The following KIF6 variants were observed in gnomAD, a reference collection of about 807,000 sequenced individuals.
The protein encoded by KIF6 is kinesin-like protein KIF6.
A neutral mutation model predicts 112.7 loss-of-function variants in KIF6; 106 were observed. The observed-to-expected ratio is 0.94, with a 90% CI of 0.80 to 1.11. KIF6 has a LOEUF of 1.11. Ranked by LOEUF, KIF6 falls within the 50% of genes least tolerant of loss-of-function variation. The pLI is 0.00. For missense variants in KIF6, 929 were observed against 964.0 expected, an observed-to-expected ratio of 0.96 and a Z score of 0.48; for synonymous variants, 339 against 339.9, an observed-to-expected ratio of 1.00 and a Z score of 0.03.
intron 6 of KIF6, among the ~76,000 whole-genome samples, chr6:39,600,093 G>T (rs979786629): frequency 9.2e-5 from 14 of 152,112 alleles, no homozygotes; most frequent in African/African-American, 3.4e-4. Context: ...TGTCTGCTCT[G>T]TGTTTATTTA....
At chr6:39,337,172 C>CTTCTTTCTTTCCTTCTTTCTTTCT (rs1763014629) in intron 22 of KIF6, among the ~76,000 whole-genome samples, 1 of 59,504 alleles carries the variant, frequency 1.7e-5, no homozygotes, top group Admixed American at 2.0e-4. Flanking sequence ...TCTTTCCTTC[C>CTTCTTTCTTTCCTTCTTTCTTTCT]TTCTTTCTTT....
chr6:39,590,228 G>A (rs1191442118), intron 7 of KIF6, among the ~76,000 whole-genome samples: 1 of 152,114 alleles, frequency 6.6e-6, no homozygotes, highest in Non-Finnish European at 1.5e-5. Flanking sequence ...TGTGCAGACA[G>A]TGTGGCATTA....
intron 13 of KIF6, among the ~76,000 whole-genome samples, chr6:39,485,493 T>C (rs1775056919): frequency 6.6e-6 from 1 of 152,126 alleles, no homozygotes; most frequent in South Asian, 2.1e-4. Context: ...GGACTGCATC[T>C]TCATCTAACT....
At chr6:39,428,572 A>G (rs1383805539) in intron 14 of KIF6, among the ~76,000 whole-genome samples, 1 of 152,074 alleles carries the variant, frequency 6.6e-6, no homozygotes, top group Non-Finnish European at 1.5e-5. Flanking sequence ...TTATTCGTTT[A>G]TTCATTCATT....
chr6:39,647,359 C>A (rs918610057), intron 3 of KIF6, among the ~76,000 whole-genome samples: 3 of 152,120 alleles, frequency 2.0e-5, no homozygotes, highest in African/African-American at 7.2e-5. Context: ...GGCTCCCAGT[C>A]TCCTTCTACA....
intron 3 of KIF6, among the ~76,000 whole-genome samples, chr6:39,712,043 C>T (rs969012669): frequency 6.7e-5 from 10 of 149,902 alleles, no homozygotes; most frequent in African/African-American, 2.5e-4. Context: ...GTCAAACCAA[C>T]AAAAAGCAAG....
At chr6:39,428,931 G>A (rs1273895090) in intron 14 of KIF6, among the ~76,000 whole-genome samples, 1 of 152,206 alleles carries the variant, frequency 6.6e-6, no homozygotes, top group Non-Finnish European at 1.5e-5. Flanking sequence ...GCCATGAATA[G>A]CCAAGGCTGC....
In KIF6 at chr6:39,342,214, C is replaced by A. The variant is rs1581620883; in HGVS notation, c.2428+1495G>T. Among the ~76,000 whole-genome samples the A allele has an allele frequency of 6.6e-6, 1 of 152,374 alleles. No individual in the cohort carries two copies. Among genetic ancestry groups the A allele is most frequent in the East Asian group, 1.9e-4 (1 of 5,184 alleles). On this transcript the variant is annotated intron_variant, in intron 22 of 22. Coordinates refer to ENST00000287152, the MANE Select transcript of KIF6 (RefSeq NM_145027.6). The surrounding 1 kb of genome is among the most constrained non-coding windows in gnomAD (Gnocchi z 4.7). ...GCGTAGCTGCTCCATTCTCATGATG[C>A]AGCTGTCAGTTTAAAGTTATCTTCT...
At chr6:39,680,520 G>C (rs1227217075) in intron 3 of KIF6, among the ~76,000 whole-genome samples, 1 of 152,164 alleles carries the variant, frequency 6.6e-6, no homozygotes, top group Non-Finnish European at 1.5e-5. Flanking sequence ...ATATGAAACT[G>C]TAGAAGGGAA....
At chr6:39,337,168 C>CTTCT (rs1554195056) in intron 22 of KIF6, among the ~76,000 whole-genome samples, 2 of 48,510 alleles carry the variant, frequency 4.1e-5, no homozygotes, top group African/African-American at 2.4e-4. Context: ...TCTTTCTTTC[C>CTTCT]TTCCTTCTTT....
chr6:39,476,747 A>C (rs560646324), intron 13 of KIF6, among the ~76,000 whole-genome samples: 3 of 152,328 alleles, frequency 2.0e-5, no homozygotes, highest in South Asian at 2.1e-4. Context: ...AGGATGAATA[A>C]GGTATTTCAT....
chr6:39,537,622 A>G (rs370447839), intron 13 of KIF6, among the ~76,000 whole-genome samples: 5 of 152,152 alleles, frequency 3.3e-5, no homozygotes, highest in East Asian at 3.9e-4. Flanking sequence ...AATCAATATC[A>G]TGAAAATGGC....
chr6:39,697,541 C>CTTTTTTTTT (rs35838361), intron 3 of KIF6, among the ~76,000 whole-genome samples: 2 of 131,478 alleles, frequency 1.5e-5, no homozygotes, highest in African/African-American at 2.8e-5. Context: ...TTTATCCTTT[C>CTTTTTTTTT]TTTTTTTTTT....
intron 16 of KIF6, among the ~76,000 whole-genome samples, chr6:39,366,184 C>T (rs528199641): frequency 1.3e-4 from 20 of 152,266 alleles, no homozygotes; most frequent in African/African-American, 4.3e-4. Context: ...TCTGGGGAGT[C>T]GCTTGAGCCC....
At chr6:39,555,953 C>CAAAA (rs35420944) in intron 10 of KIF6, among the ~76,000 whole-genome samples, 118 of 76,688 alleles carry the variant, frequency 1.5e-3, no homozygotes, top group African/African-American at 1.9e-3. Flanking sequence ...GACGCTGTCT[C>CAAAA]AAAAAAAAAA....
chr6:39,341,609 C>T (rs1041038742), intron 22 of KIF6, among the ~76,000 whole-genome samples: 7 of 152,192 alleles, frequency 4.6e-5, no homozygotes, highest in Non-Finnish European at 8.8e-5. Flanking sequence ...CACTGATGCT[C>T]ACCTGTCTAC....
chr6:39,346,739 C>A (rs572043198), intron 19 of KIF6, among the ~76,000 whole-genome samples: 1 of 152,284 alleles, frequency 6.6e-6, no homozygotes, highest in South Asian at 2.1e-4. Context: ...CCTCCGCTTC[C>A]TGGGTTTGAG....
chr6:39,614,444 T>C (rs964512460), intron 5 of KIF6, among the ~76,000 whole-genome samples: 1 of 152,212 alleles, frequency 6.6e-6, no homozygotes, highest in Non-Finnish European at 1.5e-5. Context: ...ATTAAGAATA[T>C]CTTAAAAATG....
At chr6:39,622,774 T>A (rs6458120) in intron 5 of KIF6, among the ~76,000 whole-genome samples, 6,367 of 152,244 alleles carry the variant, frequency 0.042, 415 homozygotes, top group African/African-American at 0.14. Flanking sequence ...AGGCAGCAGG[T>A]GCCTGTTTCC....
Sources: allele counts gnomAD v4.1 joint callset (sites outside exome capture counted in the v4.1 genomes callset), GRCh38; gene constraint gnomAD v4.1.1; non-coding constraint Gnocchi (gnomAD v3.1); transcripts MANE v1.5; gene names NCBI Gene and HGNC (gene_info 2026-07-23, HGNC 2026-07-21).